KIAA0930: variants seen among roughly 807,000 people sequenced by gnomAD.
The protein encoded by KIAA0930 is KIAA0930.
Under a neutral mutation model 43.9 loss-of-function variants are expected in KIAA0930, and 24 were observed. The ratio of observed to expected loss-of-function variants is 0.55; its 90% CI spans 0.40 to 0.77. The LOEUF (loss-of-function observed/expected upper bound fraction) is 0.77, where lower values mean the gene tolerates loss of function less well. Ranked by LOEUF, KIAA0930 falls within the 30% of genes least tolerant of loss-of-function variation. The probability of loss-of-function intolerance (pLI) is 0.00; values close to 1 mark genes in which losing one functional copy is unlikely to be tolerated. For missense variants in KIAA0930, 461 were observed against 574.2 expected, an observed-to-expected ratio of 0.80 and a Z score of 2.02; for synonymous variants, 259 against 216.4, an observed-to-expected ratio of 1.20 and a Z score of -1.73.
intron 1 of KIAA0930, chr22:45,212,553 T>C (rs1405183404): frequency 7.2e-7 from 1 of 1,393,266 alleles, no homozygotes; most frequent in East Asian, 2.6e-5. Flanking sequence ...GCTGCGGCAG[T>C]CCCAGCGGGA....
In KIAA0930 at chr22:45,196,907, T is replaced by C. The variant is rs987332067; in HGVS notation, c.*269A>G. 9 of 447,124 alleles carry C rather than the reference T, an allele frequency of 2.0e-5. No homozygotes were observed. The highest frequency in any genetic ancestry group is 4.3e-5 in the Admixed American group (1 of 23,312). The allele number at this position is 447,124 out of a possible 1,614,324, so 27.7% of individuals were successfully genotyped here. A position where few individuals can be genotyped will look rare whatever the true frequency, so the allele number is the denominator to read the frequency against. Reference sequence around the variant, plus strand: ...GGCCGCTCGGCATCTCTAGTCCTCTTTGGGTGCAGAGGGCTCTCCAGAGAT... The same window carrying C: ...GGCCGCTCGGCATCTCTAGTCCTCTCTGGGTGCAGAGGGCTCTCCAGAGAT... On this transcript the variant is annotated 3_prime_UTR_variant, in exon 10 of 10. Coordinates refer to ENST00000336156, the MANE Select transcript of KIAA0930 (RefSeq NM_001009880.2). The surrounding 1 kb of genome is among the most constrained non-coding windows in gnomAD (Gnocchi z 4.1).
intron 1 of KIAA0930, chr22:45,212,557 A>C: frequency 2.1e-6 from 3 of 1,396,648 alleles, no homozygotes; most frequent in Non-Finnish European, 1.9e-6. Flanking sequence ...CGGCAGTCCC[A>C]GCGGGAACCC....
At chr22:45,239,427 C>T (rs915727985) in intron 1 of KIAA0930, among the ~76,000 whole-genome samples, 1 of 152,212 alleles carries the variant, frequency 6.6e-6, no homozygotes, top group African/African-American at 2.4e-5. Flanking sequence ...GTCCATTTCA[C>T]TTCATAAGCA....
chr22:45,211,414 G>A (rs894880957), intron 2 of KIAA0930: 19 of 399,196 alleles, frequency 4.8e-5, no homozygotes, highest in East Asian at 7.1e-5. Context: ...CTTCATCTCC[G>A]AGCCCTCCGT....
chr22:45,216,403 G>A (rs2083732818), intron 1 of KIAA0930, among the ~76,000 whole-genome samples: 1 of 152,160 alleles, frequency 6.6e-6, no homozygotes, highest in Admixed American at 6.5e-5. Context: ...TGCAATGTGG[G>A]CTGCTGGAGA....
intron 8 of KIAA0930, 61 bp downstream of exon 8, chr22:45,199,810 CTG>C (rs1360803750): frequency 7.4e-7 from 1 of 1,345,722 alleles, no homozygotes; most frequent in Non-Finnish European, 9.9e-7. Context: ...GAATGAATGA[CTG>C]GTCTGGATCA....
chr22:45,234,139 A>T (rs2147767670), intron 1 of KIAA0930, among the ~76,000 whole-genome samples: 1 of 152,284 alleles, frequency 6.6e-6, no homozygotes, highest in Middle Eastern at 3.4e-3. Context: ...TGAGGGGCAA[A>T]CGTCTCTGTT....
chr22:45,199,815 C>G (rs1366773865), intron 8 of KIAA0930, 58 bp downstream of exon 8: 6 of 1,389,496 alleles, frequency 4.3e-6, no homozygotes, highest in Non-Finnish European at 5.8e-6. Flanking sequence ...AATGACTGGT[C>G]TGGATCAAGA....
At chr22:45,236,967 C>T (rs1198021411) in intron 1 of KIAA0930, among the ~76,000 whole-genome samples, 1 of 152,220 alleles carries the variant, frequency 6.6e-6, no homozygotes, top group Non-Finnish European at 1.5e-5. Flanking sequence ...CACGGCACCT[C>T]TCAGGACTCA....
intron 1 of KIAA0930, 76 bp from the exon 2 acceptor site, chr22:45,212,183 G>GCC (rs923085831): frequency 6.2e-7 from 1 of 1,612,924 alleles, no homozygotes; most frequent in African/African-American, 1.3e-5. Flanking sequence ...GCCAAGCTGC[G>GCC]CCCATACCCC....
At chr22:45,224,938 G>A (rs937030521) in intron 1 of KIAA0930, among the ~76,000 whole-genome samples, 1 of 152,068 alleles carries the variant, frequency 6.6e-6, no homozygotes, top group Non-Finnish European at 1.5e-5. Flanking sequence ...GGGCTGAGAA[G>A]GCGTCTGCCG....
intron 7 of KIAA0930, 138 bp from the exon 8 acceptor site, chr22:45,200,173 CCAGCCGGCCCGTGCT>C (rs2147735217): frequency 1.2e-6 from 1 of 831,248 alleles, no homozygotes; most frequent in Admixed American, 3.6e-5. Flanking sequence ...GGACCCAGGC[CCAGCCGGCCCGTGCT>C]AGGTGGGGCC....
chr22:45,204,290 C>A (rs1254627434), intron 5 of KIAA0930, among the ~76,000 whole-genome samples: 5 of 152,226 alleles, frequency 3.3e-5, no homozygotes. Flanking sequence ...CCCCTCCACA[C>A]CGCCTAGGGG....
chr22:45,208,221 C>T (rs1454290843), intron 2 of KIAA0930, among the ~76,000 whole-genome samples: 1 of 151,816 alleles, frequency 6.6e-6, no homozygotes, highest in African/African-American at 2.4e-5. Flanking sequence ...CCTGTGTCAA[C>T]AGGCATGACT....
At chr22:45,230,275 G>T (rs954073946) in intron 1 of KIAA0930, among the ~76,000 whole-genome samples, 1 of 152,166 alleles carries the variant, frequency 6.6e-6, no homozygotes, top group Non-Finnish European at 1.5e-5. Context: ...TGAGCTGGAG[G>T]CACCCGAGAC....
At chr22:45,201,745 T>C (rs1377429926) in intron 7 of KIAA0930, among the ~76,000 whole-genome samples, 2 of 150,774 alleles carry the variant, frequency 1.3e-5, no homozygotes, top group East Asian at 1.9e-4. Flanking sequence ...AGAAGATACC[T>C]CCCCCCCAAA....
chr22:45,237,065 G>C (rs1439031074), intron 1 of KIAA0930, among the ~76,000 whole-genome samples: 1 of 152,236 alleles, frequency 6.6e-6, no homozygotes, highest in South Asian at 2.1e-4. Flanking sequence ...TGTGTGCTTG[G>C]GCTGAGGCCC....
intron 1 of KIAA0930, among the ~76,000 whole-genome samples, chr22:45,216,777 A>G (rs1352127187): frequency 6.6e-6 from 1 of 152,028 alleles, no homozygotes; most frequent in Admixed American, 6.5e-5. Flanking sequence ...ACCCTCAAGC[A>G]GAGTGGAGAC....
At chr22:45,233,903 G>A (rs1386067982) in intron 1 of KIAA0930, among the ~76,000 whole-genome samples, 1 of 152,216 alleles carries the variant, frequency 6.6e-6, no homozygotes, top group Admixed American at 6.5e-5. Flanking sequence ...ATGCAGGAGG[G>A]ATCAGAGGTC....
Sources: gnomAD v4.1 joint callset for allele counts (sites outside exome capture counted in the v4.1 genomes callset) on GRCh38, gnomAD v4.1.1 for gene constraint, Gnocchi (gnomAD v3.1) non-coding constraint, MANE v1.5 for transcripts, NCBI Gene and HGNC (gene_info 2026-07-23, HGNC 2026-07-21) for gene names.